The following DISP3 variants were observed in gnomAD, a reference collection of about 807,000 sequenced individuals.
DISP3 encodes protein dispatched homolog 3.
A neutral mutation model predicts 135.3 loss-of-function variants in DISP3; 101 were observed. The observed-to-expected ratio is 0.75, with a 90% confidence interval of 0.64 to 0.88. DISP3 has a LOEUF of 0.88. Ranked by LOEUF, DISP3 falls within the 40% of genes least tolerant of loss-of-function variation. The pLI, the probability that DISP3 is intolerant of heterozygous loss-of-function variation, is 0.00. For missense variants in DISP3, 1,713 were observed against 1,878.6 expected, an observed-to-expected ratio of 0.91 and a Z score of 1.63; for synonymous variants, 856 against 817.0, an observed-to-expected ratio of 1.05 and a Z score of -0.81.
At position 11,529,766 on chromosome 1, in the gene DISP3, G is replaced by T. The variant is rs1433210702; in HGVS notation, c.2930-21G>T. Reference sequence around the variant, plus strand: ...GAGCTGGACCCTGCCTTCCCTTACAGCTGTGACTCCCTGTTCGCAGTGCCC... The same window carrying T: ...GAGCTGGACCCTGCCTTCCCTTACATCTGTGACTCCCTGTTCGCAGTGCCC... On this transcript the variant is annotated intron_variant, in intron 14 of 20. Transcript: ENST00000294484. The surrounding 1 kb of genome is among the most constrained non-coding windows in gnomAD (Gnocchi z 4.7). 3 of 1,608,046 alleles carry T rather than the reference G, an allele frequency of 1.9e-6. No homozygotes were observed. In the Admixed American group the frequency reaches 5.0e-5, roughly 27 times the overall value.
intron 4 of DISP3, among the ~76,000 whole-genome samples, chr1:11,514,923 C>T (rs1641960639): frequency 1.3e-5 from 2 of 152,206 alleles, no homozygotes; most frequent in African/African-American, 4.8e-5. Context: ...CCCCTGGATA[C>T]TAGCTGCTGC....
chr1:11,534,356 C>A, intron 17 of DISP3, 25 bp from the exon 18 acceptor site: 1 of 1,613,990 alleles, frequency 6.2e-7, no homozygotes, highest in Non-Finnish European at 8.5e-7. Flanking sequence ...CTGCCTGTCT[C>A]ACTAGCTCAC....
rs1640820378 is a variant in DISP3 at position 11,479,226 on chromosome 1, C to T, written c.-150C>T. On this transcript the variant is annotated 5_prime_UTR_variant, in exon 1 of 21. Coordinates refer to ENST00000294484, the MANE Select transcript of DISP3 (RefSeq NM_020780.2). Reference sequence around the variant, plus strand: ...TGCTTGCCCTGGAGCGGAGGGGGAGCCCCAGCCTCCTGCGGCTCCGAGAAG... The same window carrying T: ...TGCTTGCCCTGGAGCGGAGGGGGAGTCCCAGCCTCCTGCGGCTCCGAGAAG... 1.3e-5 allele frequency: 2 copies of T among 159,920 alleles called. No homozygotes were observed. 9.9% of individuals were successfully genotyped at this position (159,920 alleles called of 1,614,324 possible). A position where few individuals can be genotyped will look rare whatever the true frequency, so the allele number is the denominator to read the frequency against.
chr1:11,501,248 A>C lies in DISP3; in HGVS notation c.256A>C (p.Met86Leu). The C allele has an allele frequency of 1.9e-6, 3 of 1,614,090 alleles. No homozygotes were observed. Among genetic ancestry groups the C allele is most frequent in the Non-Finnish European group, 2.5e-6 (3 of 1,180,016 alleles). ...GCTCTTCCTGGGCTGCAGCATCCCC[A>C]TGGCCCTGTCAGCCTTCATGTTCCT... is the stretch of plus-strand genomic sequence containing the variant. ...LVLFLGCSIP[M>L]ALSAFMFLYY... Residue 86 changes from methionine to leucine, a missense_variant, in exon 2 of 21, where the codon ATG becomes CTG. Met to Leu is a conservative substitution (Grantham distance 15). This residue lies in a region of DISP3 where 571 missense variants were observed against 494.1 expected (regional missense o/e 1.16). Coordinates refer to ENST00000294484, the MANE Select transcript of DISP3 (RefSeq NM_020780.2). The surrounding 1 kb of genome is among the most constrained non-coding windows in gnomAD (Gnocchi z 4.9).
Position 11,535,139 on chromosome 1 carries a change from G to A in DISP3, c.3649+15G>A, listed in dbSNP as rs1236611232. The A allele has an allele frequency of 6.3e-7, 1 of 1,583,474 alleles. No homozygotes were observed. Among genetic ancestry groups the A allele is most frequent in the African/African-American group, 1.3e-5 (1 of 74,608 alleles). ...CAGCATCTTGGGTACGTGGGCGAGG[G>A]GCTGGCAGGCACCCTGCTGGTAGGG... On this transcript the variant is annotated intron_variant, in intron 19 of 20. Coordinates refer to ENST00000294484, the MANE Select transcript of DISP3 (RefSeq NM_020780.2).
rs72866405 is a variant in DISP3, at chr1:11,510,693, C to T, written c.1317-3697C>T. Among the ~76,000 whole-genome samples the T allele has an allele frequency of 2.7e-3, 413 of 152,014 alleles. 2 individuals carry two copies. Among genetic ancestry groups the T allele is most frequent in the African/African-American group, 9.1e-3 (376 of 41,454 alleles). The stretch of plus-strand genomic sequence containing the variant: ...ACTTCCTTTAACATCTCTTATAGGC[C>T]GAGCACAGTGGCTAACACCTGTAAT... On this transcript the variant is annotated intron_variant, in intron 3 of 20. Transcript: ENST00000294484.
At position 11,536,181 on chromosome 1, in the gene DISP3, C is replaced by T. The variant is rs1642701836; in HGVS notation, c.3817-143C>T. The T allele has an allele frequency of 1.1e-5, 14 of 1,263,440 alleles. No homozygotes were observed. Among genetic ancestry groups the T allele is most frequent in the Non-Finnish European group, 1.5e-5 (14 of 941,676 alleles). 78.3% of individuals were successfully genotyped at this position (1,263,440 alleles called of 1,614,324 possible). ...GCAACACCTACCTGGTTCCTACCCT[C>T]CCAACCCTGGGAGGCCACTTGCAGC... is the stretch of plus-strand genomic sequence containing the variant. On this transcript the variant is annotated intron_variant, in intron 20 of 20. Coordinates refer to ENST00000294484, the MANE Select transcript of DISP3 (RefSeq NM_020780.2). This position sits in a 1 kb window ranked among gnomAD's most constrained non-coding sequence, Gnocchi z 4.3.
chr1:11,529,554 A>G lies in DISP3; in HGVS notation c.2799-2A>G. 6.5e-7 allele frequency: 1 copy of G among 1,550,044 alleles called. No homozygotes were observed. Among genetic ancestry groups the G allele is most frequent in the African/African-American group, 1.4e-5 (1 of 72,648 alleles). On this transcript the variant is annotated splice_acceptor_variant, in intron 13 of 20. Transcript: ENST00000294484. LOFTEE classifies it high-confidence loss of function. The surrounding 1 kb of genome is among the most constrained non-coding windows in gnomAD (Gnocchi z 4.7). ...TCAGCCCAGCCTCCATTCCCTCCAC[A>G]GGAAGCTGTACTTCGCCCAGTCCCA...
At position 11,519,944 on chromosome 1, in the gene DISP3, G is replaced by C. The variant is rs958759853; in HGVS notation, c.2200+64G>C. The stretch of plus-strand genomic sequence containing the variant: ...TCCACCCCCAAAACACACAGGAACT[G>C]GGAGCCCACCCCCTCTCGCAGATGC... On this transcript the variant is annotated intron_variant, in intron 9 of 20. Transcript: ENST00000294484. This position sits in a 1 kb window ranked among gnomAD's most constrained non-coding sequence, Gnocchi z 4.3. 5 of 1,508,224 alleles carry C rather than the reference G, an allele frequency of 3.3e-6. No individual in the cohort carries two copies. The highest frequency in any genetic ancestry group is 4.5e-6 in the Non-Finnish European group (5 of 1,114,500). The allele number at this position is 1,508,224 out of a possible 1,614,324, so 93.4% of individuals were successfully genotyped here. A position where few individuals can be genotyped will look rare whatever the true frequency, so the allele number is the denominator to read the frequency against.
chr1:11,503,767 A>G (rs1641622385), intron 3 of DISP3, among the ~76,000 whole-genome samples: 1 of 152,066 alleles, frequency 6.6e-6, no homozygotes, highest in South Asian at 2.1e-4. Context: ...AAAATTAACC[A>G]CACTTCCTGC....
chr1:11,523,628 CA>C (rs1449852596), intron 10 of DISP3, among the ~76,000 whole-genome samples: 1 of 104,592 alleles, frequency 9.6e-6, no homozygotes, highest in Non-Finnish European at 1.9e-5. Flanking sequence ...AGACGGCGAG[CA>C]GGGGGCAGAG....
chr1:11,480,843 C>G (rs1640883443), intron 1 of DISP3, among the ~76,000 whole-genome samples: 1 of 151,992 alleles, frequency 6.6e-6, no homozygotes. Context: ...TCGGTGGAAG[C>G]TCCAGGCAGA....
At chr1:11,522,871 G>A (rs369964802) in intron 10 of DISP3, among the ~76,000 whole-genome samples, 249 of 28,806 alleles carry the variant, frequency 8.6e-3, no homozygotes, top group South Asian at 0.016. Context: ...CCCAGCCAGA[G>A]CCCAGCCAGA....
Position 11,491,698 on chromosome 1 carries a change from C to T in DISP3, c.-3-9292C>T, listed in dbSNP as rs1441361940. 5.9e-5 allele frequency among the ~76,000 whole-genome samples: 9 copies of T among 152,264 alleles called. No homozygotes were observed. The highest frequency in any genetic ancestry group is 2.6e-4 in the Admixed American group (4 of 15,294). On this transcript the variant is annotated intron_variant, in intron 1 of 20. Transcript: ENST00000294484. This position sits in a 1 kb window ranked among gnomAD's most constrained non-coding sequence, Gnocchi z 4.3. ...ATCTGACCTAGAGTTTGCACTTTAACGAGTATGCCTAGTGACTCCGATTCA... is the reference window on the plus strand; with the variant it reads ...ATCTGACCTAGAGTTTGCACTTTAATGAGTATGCCTAGTGACTCCGATTCA...
intron 18 of DISP3, 107 bp downstream of exon 18, chr1:11,534,647 G>T (rs1248365516): frequency 1.4e-6 from 2 of 1,419,242 alleles, no homozygotes; most frequent in Middle Eastern, 2.3e-4. Context: ...CTGGCCAAGA[G>T]CCCTGAGGAA....
At chr1:11,525,355 T>G (rs1386532047) in intron 12 of DISP3, 43 bp downstream of exon 12, 2 of 1,588,636 alleles carry the variant, frequency 1.3e-6, no homozygotes, top group Non-Finnish European at 1.7e-6. Flanking sequence ...CCACTGTGGG[T>G]GGTGGGGGGC....
intron 11 of DISP3, 78 bp from the exon 12 acceptor site, chr1:11,525,098 G>T (rs1642373706): frequency 1.9e-6 from 3 of 1,554,878 alleles, no homozygotes; most frequent in African/African-American, 2.7e-5. Context: ...CGACAGAGCT[G>T]AGGGTGGGCT....
At chr1:11,479,545 G>A (rs1344851471) in intron 1 of DISP3, among the ~76,000 whole-genome samples, 173 bp downstream of exon 1, 2 of 152,218 alleles carry the variant, frequency 1.3e-5, no homozygotes, top group African/African-American at 4.8e-5. Flanking sequence ...AGCCCCCCGG[G>A]AAAGACGGTC....
chr1:11,522,877 C>T (rs1642277131), intron 10 of DISP3, among the ~76,000 whole-genome samples: 1 of 135,144 alleles, frequency 7.4e-6, no homozygotes, highest in African/African-American at 2.8e-5. Context: ...CAGAGCCCAG[C>T]CAGAGCCCAG....
Sources: allele counts gnomAD v4.1 joint callset (sites outside exome capture counted in the v4.1 genomes callset), GRCh38; gene constraint gnomAD v4.1.1; regional missense constraint gnomAD v4.1.1; non-coding constraint Gnocchi (gnomAD v3.1); transcripts MANE v1.5; gene names NCBI Gene and HGNC (gene_info 2026-07-23, HGNC 2026-07-21).